ROBO2: variants seen among roughly 807,000 people sequenced by gnomAD.
ROBO2 encodes the protein roundabout homolog 2.
ROBO2 carries 53 observed loss-of-function variants against 160.8 expected under a neutral mutation model. That is an observed-to-expected ratio of 0.33 (90% CI 0.26 to 0.41). The LOEUF (loss-of-function observed/expected upper bound fraction) is 0.41, where lower values mean the gene tolerates loss of function less well. ROBO2 is among the 10% of genes least tolerant of loss of function. The probability of loss-of-function intolerance (pLI) is 1.00; values close to 1 mark genes in which losing one functional copy is unlikely to be tolerated. For missense variants in ROBO2, 1,577 were observed against 1,722.4 expected, an observed-to-expected ratio of 0.92 and a Z score of 1.49; for synonymous variants, 664 against 611.7, an observed-to-expected ratio of 1.09 and a Z score of -1.26.
intron 23 of ROBO2, among the ~76,000 whole-genome samples, chr3:77,623,733 T>G (rs1281514803): frequency 6.6e-6 from 1 of 152,206 alleles, no homozygotes; most frequent in Non-Finnish European, 1.5e-5. Context: ...CCCCTTTGCC[T>G]GAATTTCCAG....
chr3:75,957,206 TACA>T (rs1464086806), intron 2 of ROBO2, among the ~76,000 whole-genome samples: 4 of 146,344 alleles, frequency 2.7e-5, no homozygotes, highest in Non-Finnish European at 6.0e-5. Flanking sequence ...GGTAACTGTA[TACA>T]CGCACACACA....
chr3:76,630,180 A>T (rs746409377), intron 2 of ROBO2, among the ~76,000 whole-genome samples: 1 of 152,170 alleles, frequency 6.6e-6, no homozygotes, highest in Non-Finnish European at 1.5e-5. Context: ...TGTTCTCTCT[A>T]TGTCGGCTGG....
rs376668324 is a variant in ROBO2, at chr3:76,233,653, C to T, written c.109+296051C>T. Among the ~76,000 whole-genome samples the T allele has an allele frequency of 2.3e-4, 35 of 152,290 alleles. No individual in the cohort carries two copies. In the East Asian group the frequency reaches 4.8e-3, roughly 21 times the overall value. On this transcript the variant is annotated intron_variant, in intron 2 of 26. Transcript: ENST00000487694. ...CACTGTCTACTCATTCAAAGCTGAA[C>T]GTAATTACTAAGTTGTTAAATTCAA...
chr3:77,378,957 T>G (rs953212114), intron 2 of ROBO2, among the ~76,000 whole-genome samples: 2 of 152,028 alleles, frequency 1.3e-5, no homozygotes, highest in Non-Finnish European at 1.5e-5. Flanking sequence ...TTCTTTTTTT[T>G]TTTTTTGGAG....
At position 76,017,896 on chromosome 3, in the gene ROBO2, A is replaced by C. The variant is rs375414923; in HGVS notation, c.109+80294A>C. ...CTCTTCCGTTTTTATAGAAACTAAG[A>C]GGAAATTTAAGGATTTCCTTTTTAA... On this transcript the variant is annotated intron_variant, in intron 2 of 26. Coordinates refer to the ROBO2 transcript ENST00000487694. Among the ~76,000 whole-genome samples the C allele has an allele frequency of 2.0e-5, 3 of 152,230 alleles. No homozygotes were observed. The East Asian group carries it at 5.8e-4, about 29-fold the overall frequency.
chr3:75,963,691 A>G (rs1023497181), intron 2 of ROBO2, among the ~76,000 whole-genome samples: 1 of 151,650 alleles, frequency 6.6e-6, no homozygotes, highest in South Asian at 2.1e-4. Context: ...TAAACAACAG[A>G]TATTTATTTT....
intron 2 of ROBO2, among the ~76,000 whole-genome samples, chr3:76,817,189 G>A (rs2065747428): frequency 1.3e-5 from 2 of 151,992 alleles, no homozygotes; most frequent in Admixed American, 1.3e-4. Context: ...TGTTCTGCAT[G>A]TTTCCCATAA....
chr3:76,853,520 A>C (rs536106165), intron 2 of ROBO2, among the ~76,000 whole-genome samples: 18 of 152,246 alleles, frequency 1.2e-4, no homozygotes, highest in African/African-American at 3.4e-4. Context: ...TCAATGTGAT[A>C]AGTAAGTTTC....
intron 2 of ROBO2, among the ~76,000 whole-genome samples, chr3:76,615,967 AG>A (rs2088551015): frequency 6.6e-6 from 1 of 152,200 alleles, no homozygotes; most frequent in South Asian, 2.1e-4. Flanking sequence ...AGTCCTCCTG[AG>A]TCCTACATAG....
chr3:77,235,078 T>C (rs1163071841), intron 2 of ROBO2, among the ~76,000 whole-genome samples: 1 of 152,210 alleles, frequency 6.6e-6, no homozygotes, highest in Non-Finnish European at 1.5e-5. Flanking sequence ...AGGTGCTTTC[T>C]TTATATCTTC....
At chr3:76,548,380 T>G (rs912415294) in intron 2 of ROBO2, among the ~76,000 whole-genome samples, 1 of 152,060 alleles carries the variant, frequency 6.6e-6, no homozygotes, top group African/African-American at 2.4e-5. Flanking sequence ...GTATAAAACA[T>G]GAGGCTTGAG....
At chr3:77,224,266 T>C (rs1425349439) in intron 2 of ROBO2, among the ~76,000 whole-genome samples, 2 of 152,040 alleles carry the variant, frequency 1.3e-5, no homozygotes, top group African/African-American at 4.8e-5. Context: ...TTTACCATGT[T>C]GTCCCAATCG....
intron 1 of ROBO2, among the ~76,000 whole-genome samples, chr3:77,045,505 C>A (rs1391406229): frequency 1.3e-5 from 2 of 152,166 alleles, no homozygotes; most frequent in African/African-American, 2.4e-5. Flanking sequence ...GACATACTCA[C>A]CTGACTACTT....
intron 2 of ROBO2, among the ~76,000 whole-genome samples, chr3:76,298,095 A>C (rs1709172636): frequency 6.6e-6 from 1 of 152,218 alleles, no homozygotes; most frequent in Non-Finnish European, 1.5e-5. Context: ...AAATAATAAA[A>C]TAGTACAGCC....
chr3:76,458,463 C>A (rs1186430143), intron 2 of ROBO2, among the ~76,000 whole-genome samples: 1 of 152,190 alleles, frequency 6.6e-6, no homozygotes, highest in African/African-American at 2.4e-5. Context: ...AGCCATTCAA[C>A]ATGTCTCTAG....
intron 2 of ROBO2, among the ~76,000 whole-genome samples, chr3:76,895,913 C>T (rs2148843471): frequency 6.6e-6 from 1 of 152,230 alleles, no homozygotes; most frequent in South Asian, 2.1e-4. Context: ...TTGATCTTTT[C>T]CCTTGGAAAG....
intron 2 of ROBO2, among the ~76,000 whole-genome samples, chr3:76,035,363 T>C (rs1359531213): frequency 6.6e-6 from 1 of 151,976 alleles, no homozygotes; most frequent in Non-Finnish European, 1.5e-5. Context: ...ATAAGTATTA[T>C]CTCAGCATGG....
intron 2 of ROBO2, among the ~76,000 whole-genome samples, chr3:76,646,407 G>A (rs528909901): frequency 6.6e-6 from 1 of 152,300 alleles, no homozygotes; most frequent in South Asian, 2.1e-4. Flanking sequence ...GGTACAGCTT[G>A]TGGCTGAAGC....
At chr3:76,510,540 A>T (rs138958168) in intron 2 of ROBO2, among the ~76,000 whole-genome samples, 1 of 152,276 alleles carries the variant, frequency 6.6e-6, no homozygotes, top group Non-Finnish European at 1.5e-5. Flanking sequence ...TCTGGCCAAC[A>T]TGGCAAAATC....
Sources: gnomAD v4.1 joint callset for allele counts (sites outside exome capture counted in the v4.1 genomes callset) on GRCh38, gnomAD v4.1.1 for gene constraint, MANE v1.5 for transcripts, NCBI Gene and HGNC (gene_info 2026-07-23, HGNC 2026-07-21) for gene names.